Variants in MAGED1 observed in about 807,000 individuals in gnomAD.
MAGED1 encodes MAGE family member D1, also known as melanoma-associated antigen D1.
A neutral mutation model predicts 54.1 loss-of-function variants in MAGED1; 3 were observed. The ratio of observed to expected loss-of-function variants is 0.06; its 90% CI spans 0.03 to 0.14. The LOEUF is 0.14. Among genes scored for constraint, MAGED1 ranks in the 10% least tolerant of loss-of-function variants. The probability of loss-of-function intolerance (pLI) is 1.00; values close to 1 mark genes in which losing one functional copy is unlikely to be tolerated. For missense variants in MAGED1, 485 were observed against 623.4 expected (o/e 0.78, Z 2.36); for synonymous variants, 217 against 227.3 (o/e 0.95, Z 0.41).
intron 1 of MAGED1, among the ~76,000 whole-genome samples, chrX:51,841,587 T>C (rs1268872200): frequency 8.9e-6 from 1 of 112,192 alleles, no homozygotes. Flanking sequence ...TGTAAGTCTT[T>C]AATCCATCTT....
intron 1 of MAGED1, among the ~76,000 whole-genome samples, chrX:51,858,911 C>G (rs1927179371): frequency 1.8e-5 from 2 of 111,680 alleles, no homozygotes; most frequent in Non-Finnish European, 3.8e-5. Flanking sequence ...ATGCAGTACT[C>G]TAGCACTGAG....
At chrX:51,894,949 C>A in intron 2 of MAGED1, 104 bp from the exon 3 acceptor site, 2 of 913,974 alleles carry the variant, frequency 2.2e-6, no homozygotes, top group Non-Finnish European at 3.0e-6. Flanking sequence ...ACCCACCGCC[C>A]GCCTGCAGCT....
intron 1 of MAGED1, among the ~76,000 whole-genome samples, chrX:51,856,295 T>C (rs2118950): frequency 0.044 from 4,924 of 111,867 alleles, 117 homozygotes; most frequent in Non-Finnish European, 0.067. Context: ...GATTATTGGG[T>C]CAAAAGGTAT....
intron 12 of MAGED1, 80 bp downstream of exon 12, chrX:51,902,018 C>A: frequency 9.9e-7 from 1 of 1,006,444 alleles, no homozygotes; most frequent in Non-Finnish European, 1.3e-6. Flanking sequence ...TGTGCATGAG[C>A]TAGAAGTATT....
At chrX:51,816,095 G>A (rs1283390621) in intron 1 of MAGED1, among the ~76,000 whole-genome samples, 2 of 108,676 alleles carry the variant, frequency 1.8e-5, no homozygotes, top group African/African-American at 6.7e-5. Flanking sequence ...TAAGTGCCCA[G>A]TACAAGTGTA....
chrX:51,838,811 A>G (rs1425082890), intron 1 of MAGED1, among the ~76,000 whole-genome samples: 1 of 111,921 alleles, frequency 8.9e-6, no homozygotes, highest in African/African-American at 3.2e-5. Context: ...CACACAGACG[A>G]TAAAGCTGAC....
intron 1 of MAGED1, among the ~76,000 whole-genome samples, chrX:51,840,762 G>A (rs374539287): frequency 2.7e-5 from 3 of 109,427 alleles, no homozygotes; most frequent in East Asian, 2.9e-4. Flanking sequence ...AAGGACATGA[G>A]CTCATCATTT....
At chrX:51,843,529 G>T (rs1263217793) in intron 1 of MAGED1, among the ~76,000 whole-genome samples, 1 of 111,404 alleles carries the variant, frequency 9.0e-6, no homozygotes, top group Non-Finnish European at 1.9e-5. Context: ...AAATGGAAAG[G>T]ACCAGTAAAT....
intron 1 of MAGED1, among the ~76,000 whole-genome samples, chrX:51,888,530 T>C (rs1474172921): frequency 8.9e-6 from 1 of 112,097 alleles, no homozygotes; most frequent in Non-Finnish European, 1.9e-5. Flanking sequence ...GAATGTCAAA[T>C]GGTATGATCA....
chrX:51,815,932 T>C (rs1372257916), intron 1 of MAGED1, among the ~76,000 whole-genome samples: 1 of 111,786 alleles, frequency 8.9e-6, no homozygotes, highest in Non-Finnish European at 1.9e-5. Context: ...TAATTTATTA[T>C]TGAAAGAAAT....
chrX:51,833,904 C>T (rs1362110847), intron 1 of MAGED1, among the ~76,000 whole-genome samples: 1 of 111,716 alleles, frequency 9.0e-6, no homozygotes. Context: ...ACTCCTTTCC[C>T]TCTACATGTT....
chrX:51,804,734 G>C (rs1336270792), intron 1 of MAGED1, among the ~76,000 whole-genome samples: 1 of 111,293 alleles, frequency 9.0e-6, no homozygotes, highest in Non-Finnish European at 1.9e-5. Flanking sequence ...AACAAAAAAA[G>C]AAATAAATAT....
At chrX:51,880,861 C>G (rs1428090971) in intron 1 of MAGED1, among the ~76,000 whole-genome samples, 1 of 111,301 alleles carries the variant, frequency 9.0e-6, no homozygotes, top group Non-Finnish European at 1.9e-5. Context: ...TCAAATACTT[C>G]TCTTTTCTCC....
chrX:51,901,824 C>T lies in MAGED1; in HGVS notation c.2231C>T (p.Ser744Phe). 1 of 1,209,468 alleles carries T rather than the reference C, an allele frequency of 8.3e-7. No individual in the cohort carries two copies. The highest frequency in any genetic ancestry group is 1.1e-6 in the Non-Finnish European group (1 of 895,199). Residue 744 changes from serine (S) to phenylalanine (F), a missense_variant, in exon 12 of 13, where the codon TCC becomes TTC. Around this residue, in one of 2 missense-constraint regions of MAGED1, gnomAD observed 186 missense variants for 330.3 expected, o/e 0.56. Coordinates refer to ENST00000326587, the MANE Select transcript of MAGED1 (RefSeq NM_006986.4). ...GCCAGATACCACCAGAATGCCCGCT[C>T]CAGATTCCCTCAGACCTTTGCCGGT... ...FWARYHQNAR[S>F]RFPQTFAGPI...
intron 1 of MAGED1, among the ~76,000 whole-genome samples, chrX:51,868,151 G>A (rs782637378): frequency 2.7e-5 from 3 of 112,193 alleles, no homozygotes; most frequent in Admixed American, 9.4e-5. Context: ...TGTACCTTTA[G>A]AGCATGGTAT....
intron 1 of MAGED1, among the ~76,000 whole-genome samples, chrX:51,832,128 C>T (rs1227674133): frequency 2.7e-5 from 3 of 111,297 alleles, no homozygotes; most frequent in Non-Finnish European, 3.8e-5. Context: ...GCCTTCCGGG[C>T]TCAGGTTCCT....
intron 1 of MAGED1, among the ~76,000 whole-genome samples, chrX:51,831,443 C>G (rs1304752755): frequency 9.0e-6 from 1 of 110,575 alleles, no homozygotes; most frequent in Admixed American, 9.6e-5. Flanking sequence ...GAGACCCCAT[C>G]TCTACAAAAA....
At chrX:51,882,382 G>A (rs1928086540) in intron 1 of MAGED1, among the ~76,000 whole-genome samples, 1 of 111,416 alleles carries the variant, frequency 9.0e-6, no homozygotes, top group Non-Finnish European at 1.9e-5. Context: ...CTTCCAGAAA[G>A]AAGTAGTAAA....
upstream of MAGED1, among the ~76,000 whole-genome samples, chrX:51,891,496 G>A (rs1928436688): frequency 8.9e-6 from 1 of 112,992 alleles, no homozygotes; most frequent in African/African-American, 3.2e-5. Flanking sequence ...AGGAAAAATT[G>A]CCTCTCAGGT....
Sources: gnomAD v4.1 joint callset for allele counts (sites outside exome capture counted in the v4.1 genomes callset) on GRCh38, gnomAD v4.1.1 for gene constraint, gnomAD v4.1.1 regional missense constraint, MANE v1.5 for transcripts, NCBI Gene and HGNC (gene_info 2026-07-23, HGNC 2026-07-21) for gene names.